Variants in TMEM53 observed in about 807,000 individuals in gnomAD.
TMEM53 encodes novel DUF829 domain-containing protein.
A neutral mutation model predicts 21.4 loss-of-function variants in TMEM53; 14 were observed. The observed-to-expected ratio is 0.65, with a 90% CI of 0.43 to 1.02. The LOEUF is 1.02. Among genes scored for constraint, TMEM53 ranks in the 50% least tolerant of loss-of-function variants. The pLI is 0.00. For synonymous variants in TMEM53, 148 were observed against 157.4 expected (o/e 0.94, Z 0.45); for missense variants, 323 against 383.6 (o/e 0.84, Z 1.32).
In TMEM53 at chr1:44,673,312, T is replaced by C. The variant is rs915325419; in HGVS notation, c.61+1019A>G. Among the ~76,000 whole-genome samples, 6 of 152,312 alleles carry C rather than the reference T, an allele frequency of 3.9e-5. No individual in the cohort carries two copies. The East Asian group carries it at 1.2e-3, about 29-fold the overall frequency. ...AGGCTCTCCTTAAGGAGGTAAGTTT[T>C]ATGGAGAGCAGAGTATAAGATCAAA... On this transcript the variant is annotated intron_variant, in intron 1 of 2. Transcript: ENST00000372237.
At chr1:44,667,629 GA>G (rs1399052905) in intron 1 of TMEM53, among the ~76,000 whole-genome samples, 2 of 151,766 alleles carry the variant, frequency 1.3e-5, no homozygotes, top group African/African-American at 2.4e-5. Context: ...TTAATGCATA[GA>G]AAAAAATACA....
At chr1:44,656,385 G>A (rs558649370) in intron 2 of TMEM53, among the ~76,000 whole-genome samples, 55 of 152,254 alleles carry the variant, frequency 3.6e-4, no homozygotes, top group African/African-American at 1.2e-3. Flanking sequence ...GGAGAAAATC[G>A]TATGGCCACA....
intron 1 of TMEM53, among the ~76,000 whole-genome samples, chr1:44,663,553 A>G (rs1225609041): frequency 6.6e-6 from 1 of 152,142 alleles, no homozygotes; most frequent in East Asian, 1.9e-4. Flanking sequence ...AGTCATTGCT[A>G]TGGCTATTGT....
chr1:44,659,780 G>A (rs1247628416), intron 2 of TMEM53, among the ~76,000 whole-genome samples: 2 of 151,722 alleles, frequency 1.3e-5, no homozygotes, highest in Admixed American at 6.6e-5. Context: ...AAGGGGTCAC[G>A]CCAGGCCACA....
intron 1 of TMEM53, among the ~76,000 whole-genome samples, chr1:44,663,720 C>A (rs759629017): frequency 6.6e-6 from 1 of 152,164 alleles, no homozygotes; most frequent in African/African-American, 2.4e-5. Flanking sequence ...AAAACTTTGG[C>A]CCCTGGCTGG....
At chr1:44,660,926 T>C (rs1331183905) in intron 1 of TMEM53, among the ~76,000 whole-genome samples, 3 of 151,114 alleles carry the variant, frequency 2.0e-5, no homozygotes, top group African/African-American at 7.3e-5. Flanking sequence ...TGAGCCGAGA[T>C]TGAGCCACTG....
intron 1 of TMEM53, 54 bp downstream of exon 1, chr1:44,674,277 C>G (rs947332842): frequency 6.4e-7 from 1 of 1,564,938 alleles, no homozygotes; most frequent in South Asian, 1.2e-5. Context: ...CGCTCGCAAC[C>G]CACAGGTTCA....
intron 1 of TMEM53, among the ~76,000 whole-genome samples, chr1:44,671,688 G>A (rs950365938): frequency 1.3e-5 from 2 of 152,246 alleles, no homozygotes. Context: ...CAGCACTTTG[G>A]GAGGCTGAGG....
chr1:44,663,304 G>A (rs1343704686), intron 1 of TMEM53, among the ~76,000 whole-genome samples: 1 of 152,148 alleles, frequency 6.6e-6, no homozygotes, highest in Non-Finnish European at 1.5e-5. Flanking sequence ...GAAGTGGCGC[G>A]ATCTTGGCTC....
intron 1 of TMEM53, among the ~76,000 whole-genome samples, chr1:44,668,990 C>A (rs908570415): frequency 2.6e-5 from 4 of 152,184 alleles, no homozygotes; most frequent in Non-Finnish European, 5.9e-5. Context: ...TAATCAAGTT[C>A]TCTAAGCTTC....
At chr1:44,668,224 T>A (rs936158950) in intron 1 of TMEM53, among the ~76,000 whole-genome samples, 2 of 152,022 alleles carry the variant, frequency 1.3e-5, no homozygotes, top group Admixed American at 1.3e-4. Context: ...GGGCGGATCA[T>A]GAGGTCAGGA....
intron 1 of TMEM53, among the ~76,000 whole-genome samples, chr1:44,671,504 G>A (rs1645000238): frequency 6.6e-6 from 1 of 152,224 alleles, no homozygotes; most frequent in Non-Finnish European, 1.5e-5. Context: ...GCTCATACCT[G>A]TAATCGCAGC....
rs1644836889 is a variant in TMEM53 at position 44,655,076 on chromosome 1, G to A, written c.317C>T (p.Pro106Leu). Residue 106 changes from proline to leucine, a missense_variant, in exon 3 of 3, where the codon CCC (proline) becomes CTC (leucine). Pro to Leu is a moderately conservative substitution (Grantham distance 98, BLOSUM62 -3). Coordinates refer to ENST00000372237, the MANE Select transcript of TMEM53 (RefSeq NM_024587.4). The surrounding 1 kb of genome is among the most constrained non-coding windows in gnomAD (Gnocchi z 4.4). ...GTTGCTGAAGACATGGAAGAGCAGGGGCTCCTTCTCAATCTCATAATCAAA... is the reference window on the plus strand; with the variant it reads ...GTTGCTGAAGACATGGAAGAGCAGGAGCTCCTTCTCAATCTCATAATCAAA... Reference protein sequence around the residue: ...LLFDYEIEKEPLLFHVFSNGG... With the variant: ...LLFDYEIEKELLLFHVFSNGG... 6.2e-7 allele frequency: 1 copy of A among 1,614,094 alleles called. No homozygotes were observed. Among genetic ancestry groups the A allele is most frequent in the Non-Finnish European group, 8.5e-7 (1 of 1,180,030 alleles).
In TMEM53 at chr1:44,674,387, G is replaced by A; in HGVS notation, c.5C>T (p.Ala2Val). The change falls in exon 1 of 3, where the codon GCC (alanine) becomes GTC (valine). Residue 2 changes from alanine to valine, a missense_variant. Ala to Val is a moderately conservative substitution (Grantham distance 64). This residue lies in a region of TMEM53 where 49 missense variants were observed against 32.9 expected (regional missense o/e 1.49). Coordinates refer to ENST00000372237, the MANE Select transcript of TMEM53 (RefSeq NM_024587.4). The stretch of plus-strand genomic sequence containing the variant: ...GATGGTGTAGTCCAGCTCTGCCGAG[G>A]CCATGGTGAAGGCGCCGGCCCAGAG... M[A>V]SAELDYTIEI... is the part of the protein sequence containing the mutation. 1 of 1,611,388 alleles carries A rather than the reference G, an allele frequency of 6.2e-7. No individual in the cohort carries two copies. Among genetic ancestry groups the A allele is most frequent in the Non-Finnish European group, 8.5e-7 (1 of 1,178,648 alleles).
In TMEM53 at chr1:44,655,244, A is replaced by C. The variant is rs748482846; in HGVS notation, c.184-35T>G. 1.1e-5 allele frequency: 17 copies of C among 1,553,404 alleles called. No homozygotes were observed. Among genetic ancestry groups the C allele is most frequent in the Admixed American group, 1.9e-5 (1 of 52,632 alleles). ...GAGGCCTGGTCAGTCCTCACAGATG[A>C]GGTGGGGGTAGTGGGTACAAGCTAA... On this transcript the variant is annotated intron_variant, in intron 2 of 2. Transcript: ENST00000372237. This position sits in a 1 kb window ranked among gnomAD's most constrained non-coding sequence, Gnocchi z 4.4.
In TMEM53 at chr1:44,654,298, G is replaced by T; in HGVS notation, c.*261C>A. On this transcript the variant is annotated 3_prime_UTR_variant, in exon 3 of 3. Transcript: ENST00000372237. This position sits in a 1 kb window ranked among gnomAD's most constrained non-coding sequence, Gnocchi z 7.0. ...CACAGGAATCAGCAGCCTGACTGTT[G>T]CACTTGTCCAAACACAACTGACTGC... The T allele has an allele frequency of 2.1e-6, 1 of 474,650 alleles. No homozygotes were observed. The highest frequency in any genetic ancestry group is 3.8e-6 in the Non-Finnish European group (1 of 264,654). The allele number at this position is 474,650 out of a possible 1,614,324, so 29.4% of individuals were successfully genotyped here. A position where few individuals can be genotyped will look rare whatever the true frequency, so the allele number is the denominator to read the frequency against.
chr1:44,664,551 ATAAC>A (rs757667003), intron 1 of TMEM53, among the ~76,000 whole-genome samples: 144 of 152,282 alleles, frequency 9.5e-4, no homozygotes, highest in Admixed American at 1.8e-3. Flanking sequence ...TCAGGGTTAC[ATAAC>A]TAACAAGCAG....
chr1:44,670,749 G>A (rs1433591786), intron 1 of TMEM53, among the ~76,000 whole-genome samples: 1 of 152,224 alleles, frequency 6.6e-6, no homozygotes, highest in East Asian at 1.9e-4. Context: ...ATCCCCTTAA[G>A]ACCTTCTGTT....
intron 1 of TMEM53, among the ~76,000 whole-genome samples, chr1:44,661,584 C>T (rs983170898): frequency 6.6e-6 from 1 of 152,126 alleles, no homozygotes. Flanking sequence ...TACCAAGCCA[C>T]CTACCCTGTC....
Sources: gnomAD v4.1 joint callset for allele counts (sites outside exome capture counted in the v4.1 genomes callset) on GRCh38, gnomAD v4.1.1 for gene constraint, gnomAD v4.1.1 regional missense constraint, Gnocchi (gnomAD v3.1) non-coding constraint, MANE v1.5 for transcripts, NCBI Gene and HGNC (gene_info 2026-07-23, HGNC 2026-07-21) for gene names.